Variants in LINGO2 observed in about 807,000 individuals in gnomAD.
LINGO2 encodes the protein leucine rich repeat and Ig domain containing 2, also known as leucine-rich repeat and immunoglobulin-like domain-containing nogo receptor-interacting protein 2.
Under a neutral mutation model 30.6 loss-of-function variants are expected in LINGO2, and 14 were observed. That is an observed-to-expected ratio of 0.46 (90% CI 0.30 to 0.72). The LOEUF (loss-of-function observed/expected upper bound fraction) is 0.72, where lower values mean the gene tolerates loss of function less well. LINGO2 is among the 30% of genes least tolerant of loss of function. The pLI is 0.07. For synonymous variants in LINGO2, 317 were observed against 288.5 expected (o/e 1.10, Z -1.00); for missense variants, 729 against 751.7 (o/e 0.97, Z 0.35).
intron 4 of LINGO2, among the ~76,000 whole-genome samples, chr9:28,209,823 T>C (rs1324539919): frequency 6.6e-6 from 1 of 151,724 alleles, no homozygotes; most frequent in African/African-American, 2.4e-5. Flanking sequence ...AAATGAACAC[T>C]TTTCTCAGTG....
the LINGO2 span, among the ~76,000 whole-genome samples, chr9:29,094,559 C>G: frequency 1.4e-5 from 2 of 138,692 alleles, no homozygotes; most frequent in East Asian, 5.0e-4. Context: ...TATACCTCTC[C>G]TGTCCAGCAC....
At chr9:28,933,512 A>AAT in the LINGO2 span, among the ~76,000 whole-genome samples, 1 of 71,156 alleles carries the variant, frequency 1.4e-5, no homozygotes, top group Non-Finnish European at 3.4e-5. Flanking sequence ...AGGAGAAGAC[A>AAT]ATATAGAATA....
At chr9:29,183,647 A>G in the LINGO2 span, among the ~76,000 whole-genome samples, 1 of 152,202 alleles carries the variant, frequency 6.6e-6, no homozygotes. Context: ...GTAGGCACTC[A>G]GTGACATGTC....
At chr9:29,130,646 T>C in the LINGO2 span, among the ~76,000 whole-genome samples, 5 of 152,108 alleles carry the variant, frequency 3.3e-5, no homozygotes, top group Non-Finnish European at 2.9e-5. Flanking sequence ...TCTAATAAAA[T>C]ATCTAGCTAA....
Position 28,025,708 on chromosome 9 carries a change from A to G in LINGO2, c.-86-13303T>C, listed in dbSNP as rs146276579. On this transcript the variant is annotated intron_variant, in intron 4 of 5. Coordinates refer to ENST00000379992, the Ensembl canonical transcript of LINGO2. The stretch of plus-strand genomic sequence containing the variant: ...TAACTGCTTTTGAACTAGCTAGGAG[A>G]ATTGTTAGATCAGAAAAGCATACAG... 2.0e-3 allele frequency among the ~76,000 whole-genome samples: 308 copies of G among 152,278 alleles called. 1 individual carries two copies. Among genetic ancestry groups the G allele is most frequent in the African/African-American group, 7.1e-3 (294 of 41,548 alleles).
the LINGO2 span, among the ~76,000 whole-genome samples, chr9:28,743,282 C>G: frequency 6.6e-6 from 1 of 151,812 alleles, no homozygotes; most frequent in Non-Finnish European, 1.5e-5. Context: ...TTTGCTGCAC[C>G]CATCAACCTG....
the LINGO2 span, among the ~76,000 whole-genome samples, chr9:28,913,081 C>G: frequency 6.6e-6 from 1 of 152,236 alleles, no homozygotes; most frequent in East Asian, 1.9e-4. Context: ...CACTCAGTTT[C>G]AACTGATCTA....
At chr9:28,360,311 T>C (rs1820390349) in intron 3 of LINGO2, among the ~76,000 whole-genome samples, 1 of 152,154 alleles carries the variant, frequency 6.6e-6, no homozygotes, top group Non-Finnish European at 1.5e-5. Flanking sequence ...AGTCCTAAAC[T>C]TTGCTTTCAG....
At chr9:28,357,322 C>T (rs371121280) in intron 3 of LINGO2, among the ~76,000 whole-genome samples, 33,138 of 144,430 alleles carry the variant, frequency 0.23, 4,517 homozygotes, top group Middle Eastern at 0.43. Context: ...AAAGCCCACC[C>T]CCCCCAAAAA....
At chr9:29,018,637 G>A in the LINGO2 span, among the ~76,000 whole-genome samples, 1 of 152,102 alleles carries the variant, frequency 6.6e-6, no homozygotes, top group Non-Finnish European at 1.5e-5. Flanking sequence ...TAACTTACTA[G>A]AAGTCCCAAA....
chr9:28,644,429 G>C (rs1378157590), intron 1 of LINGO2, among the ~76,000 whole-genome samples: 1 of 151,862 alleles, frequency 6.6e-6, no homozygotes, highest in African/African-American at 2.4e-5. Context: ...GGCCCAAAAA[G>C]ACAAACACTC....
the LINGO2 span, among the ~76,000 whole-genome samples, chr9:28,825,366 G>T: frequency 6.6e-6 from 1 of 151,808 alleles, no homozygotes; most frequent in Non-Finnish European, 1.5e-5. Context: ...AGTGGTAATT[G>T]GAAGTCTGTG....
chr9:28,743,262 G>A, the LINGO2 span, among the ~76,000 whole-genome samples: 11 of 151,912 alleles, frequency 7.2e-5, no homozygotes, highest in Non-Finnish European at 1.3e-4. Flanking sequence ...GTATACACGT[G>A]CCGTGGTGGT....
In LINGO2 at chr9:28,392,125, C is replaced by G. The variant is rs896223142; in HGVS notation, c.-278-19257G>C. On this transcript the variant is annotated intron_variant, in intron 2 of 5. Coordinates refer to ENST00000379992, the Ensembl canonical transcript of LINGO2. ...GGCTGAGGCAGGAGAATCTCTTGAA[C>G]CCAGGAGGTAGAGCTTGCAGTGAGC... is the stretch of plus-strand genomic sequence containing the variant. 6.6e-5 allele frequency among the ~76,000 whole-genome samples: 10 copies of G among 152,298 alleles called. No individual in the cohort carries two copies. The South Asian group carries it at 2.1e-3, about 32-fold the overall frequency.
the LINGO2 span, among the ~76,000 whole-genome samples, chr9:28,680,832 A>G: frequency 1.3e-5 from 2 of 152,096 alleles, no homozygotes; most frequent in Non-Finnish European, 1.5e-5. Flanking sequence ...TTGTCCTGCT[A>G]TTGAGTTTTG....
chr9:28,308,083 T>C (rs1490364845), intron 3 of LINGO2, among the ~76,000 whole-genome samples: 2 of 145,008 alleles, frequency 1.4e-5, no homozygotes, highest in Non-Finnish European at 3.1e-5. Context: ...AAAACTACTT[T>C]AAAGTTCATA....
At chr9:28,169,089 A>C (rs2133643291) in intron 4 of LINGO2, among the ~76,000 whole-genome samples, 1 of 152,316 alleles carries the variant, frequency 6.6e-6, no homozygotes, top group Admixed American at 6.5e-5. Context: ...CACCAAAAAC[A>C]ATGTTCTGAT....
At chr9:29,078,105 T>C in the LINGO2 span, among the ~76,000 whole-genome samples, 1 of 151,930 alleles carries the variant, frequency 6.6e-6, no homozygotes, top group East Asian at 1.9e-4. Context: ...AACATTAATT[T>C]TGATAGGAAT....
the LINGO2 span, among the ~76,000 whole-genome samples, chr9:29,132,470 C>T: frequency 6.6e-6 from 1 of 152,152 alleles, no homozygotes; most frequent in African/African-American, 2.4e-5. Flanking sequence ...TCGCCTTCCA[C>T]AACCAATGAG....
Sources: gnomAD v4.1 joint callset for allele counts (sites outside exome capture counted in the v4.1 genomes callset) on GRCh38, gnomAD v4.1.1 for gene constraint, MANE v1.5 for transcripts, NCBI Gene and HGNC (gene_info 2026-07-23, HGNC 2026-07-21) for gene names.